CAMKMT: variants seen among roughly 807,000 people sequenced by gnomAD.
CAMKMT encodes CaM KMT.
Under a neutral mutation model 48.0 loss-of-function variants are expected in CAMKMT, and 53 were observed. The ratio of observed to expected loss-of-function variants is 1.10; its 90% CI spans 0.89 to 1.39. The LOEUF (loss-of-function observed/expected upper bound fraction) is 1.39, where lower values mean the gene tolerates loss of function less well. Ranked by LOEUF, CAMKMT falls within the 40% of genes most tolerant of loss-of-function variation. The pLI, the probability that CAMKMT is intolerant of heterozygous loss-of-function variation, is 0.00. For missense variants in CAMKMT, 428 were observed against 402.7 expected, an observed-to-expected ratio of 1.06 and a Z score of -0.54; for synonymous variants, 165 against 152.3, an observed-to-expected ratio of 1.08 and a Z score of -0.61.
intron 3 of CAMKMT, among the ~76,000 whole-genome samples, chr2:44,460,690 A>G (rs1324433826): frequency 6.6e-6 from 1 of 150,930 alleles, no homozygotes; most frequent in Non-Finnish European, 1.5e-5. Context: ...ACAAAGACAT[A>G]ATACAGTTTC....
chr2:44,446,454 C>G (rs1214199638), intron 3 of CAMKMT, among the ~76,000 whole-genome samples: 2 of 152,020 alleles, frequency 1.3e-5, no homozygotes, highest in Non-Finnish European at 2.9e-5. Context: ...TCAAGCAATT[C>G]TCATGCCTCA....
intron 3 of CAMKMT, among the ~76,000 whole-genome samples, chr2:44,595,888 A>G (rs1471196708): frequency 6.6e-6 from 1 of 152,054 alleles, no homozygotes; most frequent in African/African-American, 2.4e-5. Flanking sequence ...ACAAGAAGAG[A>G]AAACCAAACA....
chr2:44,732,931 A>T (rs142752390), intron 7 of CAMKMT, among the ~76,000 whole-genome samples: 2,357 of 152,256 alleles, frequency 0.015, 29 homozygotes, highest in South Asian at 0.03. Context: ...AATTTTAATA[A>T]AGTCTGATTT....
chr2:44,444,055 G>GTTA lies in CAMKMT; in HGVS notation c.376+53751_376+53753dup, dbSNP rs1301369509. On this transcript the variant is annotated intron_variant, in intron 3 of 10. Transcript: ENST00000378494. ...GAAGAGGTCTTTGAAGGAGATAAGTGTTACGGCCTGAAGGAAAAGTAAGAA... is the reference window on the plus strand; with the variant it reads ...GAAGAGGTCTTTGAAGGAGATAAGTGTTATTACGGCCTGAAGGAAAAGTAAGAA... 5.3e-5 allele frequency among the ~76,000 whole-genome samples: 8 copies of GTTA among 152,196 alleles called. No individual in the cohort carries two copies. The East Asian group carries it at 1.5e-3, about 29-fold the overall frequency.
intron 3 of CAMKMT, among the ~76,000 whole-genome samples, chr2:44,489,009 G>A (rs1669352880): frequency 6.6e-6 from 1 of 151,816 alleles, no homozygotes; most frequent in Non-Finnish European, 1.5e-5. Context: ...GGGACTGCAG[G>A]TATATACCAC....
rs1378996204 is a variant in CAMKMT, at chr2:44,369,271, A to G, written c.139-3445A>G. Among the ~76,000 whole-genome samples the G allele has an allele frequency of 2.0e-5, 3 of 152,296 alleles. No homozygotes were observed. The East Asian group carries it at 5.8e-4, about 29-fold the overall frequency. On this transcript the variant is annotated intron_variant, in intron 1 of 10. Coordinates refer to ENST00000378494, the MANE Select transcript of CAMKMT (RefSeq NM_024766.5). ...ACTACCTTTTCCGATCCTCCATTTAAAAAACTAACCTTCTAAAACTTCTAC... is the reference window on the plus strand; with the variant it reads ...ACTACCTTTTCCGATCCTCCATTTAGAAAACTAACCTTCTAAAACTTCTAC...
chr2:44,409,189 T>G (rs1199828413), intron 3 of CAMKMT, among the ~76,000 whole-genome samples: 1 of 82,140 alleles, frequency 1.2e-5, no homozygotes, highest in African/African-American at 3.4e-5. Context: ...ATATGTATAT[T>G]GCTACATAAA....
At chr2:44,771,978 C>T in intron 10 of CAMKMT, 58 bp from the exon 11 acceptor site, 1 of 1,129,002 alleles carries the variant, frequency 8.9e-7, no homozygotes, top group Non-Finnish European at 1.3e-6. Context: ...TTAATATTGA[C>T]TGGTAAAGAT....
intron 3 of CAMKMT, among the ~76,000 whole-genome samples, chr2:44,504,600 T>C (rs747589123): frequency 2.0e-5 from 3 of 152,176 alleles, no homozygotes; most frequent in Admixed American, 6.5e-5. Flanking sequence ...GTGGGGCCTT[T>C]TAGTTTTTCT....
chr2:44,653,189 C>G lies in CAMKMT; in HGVS notation c.377-51094C>G, dbSNP rs765799668. ...TTTATTATTTCTCACTTCACTAGCT[C>G]GTGAGCTCCTTTAAAGCAAGGGACA... is the stretch of plus-strand genomic sequence containing the variant. On this transcript the variant is annotated intron_variant, in intron 3 of 10. Coordinates refer to ENST00000378494, the MANE Select transcript of CAMKMT (RefSeq NM_024766.5). This position sits in a 1 kb window ranked among gnomAD's most constrained non-coding sequence, Gnocchi z 5.2. 6.6e-6 allele frequency among the ~76,000 whole-genome samples: 1 copy of G among 152,074 alleles called. No homozygotes were observed. Among genetic ancestry groups the G allele is most frequent in the African/African-American group, 2.4e-5 (1 of 41,408 alleles).
intron 6 of CAMKMT, among the ~76,000 whole-genome samples, chr2:44,708,210 G>GTTTTTTTT (rs1558809421): frequency 1.7e-4 from 3 of 17,686 alleles, no homozygotes; most frequent in East Asian, 2.2e-3. Context: ...GTTTGCTTTG[G>GTTTTTTTT]ATTTTTTTTT....
intron 3 of CAMKMT, among the ~76,000 whole-genome samples, chr2:44,595,159 C>T (rs1156534740): frequency 6.6e-6 from 1 of 151,998 alleles, no homozygotes; most frequent in Non-Finnish European, 1.5e-5. Context: ...ACAACAGATG[C>T]TGGAGAGGAT....
intron 3 of CAMKMT, among the ~76,000 whole-genome samples, chr2:44,404,848 G>A (rs1682669563): frequency 6.6e-6 from 1 of 151,978 alleles, no homozygotes. Context: ...GTGGAAGGAG[G>A]AAGTGAATAT....
At chr2:44,450,034 C>CT (rs1314357658) in intron 3 of CAMKMT, among the ~76,000 whole-genome samples, 1 of 152,058 alleles carries the variant, frequency 6.6e-6, no homozygotes, top group Non-Finnish European at 1.5e-5. Flanking sequence ...GATGGGTCAG[C>CT]TTTAGGGGTG....
At chr2:44,365,080 C>G (rs971382704) in intron 1 of CAMKMT, among the ~76,000 whole-genome samples, 2 of 152,178 alleles carry the variant, frequency 1.3e-5, no homozygotes, top group Admixed American at 1.3e-4. Flanking sequence ...AAATGTATTT[C>G]AAATGAATGA....
At chr2:44,664,230 G>A (rs647980) in intron 3 of CAMKMT, among the ~76,000 whole-genome samples, 126,009 of 152,192 alleles carry the variant, frequency 0.83, 52,670 homozygotes, top group Middle Eastern at 0.85. Context: ...AAAATATGTA[G>A]CCTCTCTAAG....
intron 3 of CAMKMT, among the ~76,000 whole-genome samples, chr2:44,624,049 C>T (rs996880452): frequency 3.9e-5 from 6 of 152,016 alleles, no homozygotes; most frequent in Non-Finnish European, 7.4e-5. Flanking sequence ...TCCATTCCAC[C>T]CAACTGTTGA....
intron 3 of CAMKMT, among the ~76,000 whole-genome samples, chr2:44,562,762 T>C (rs1436966321): frequency 6.6e-6 from 1 of 152,180 alleles, no homozygotes; most frequent in Non-Finnish European, 1.5e-5. Context: ...GGTTTCAACA[T>C]GTTGGCCAGG....
chr2:44,667,014 C>T (rs966512424), intron 3 of CAMKMT, among the ~76,000 whole-genome samples: 4 of 152,166 alleles, frequency 2.6e-5, no homozygotes, highest in African/African-American at 9.7e-5. Flanking sequence ...GCAGTCTGGT[C>T]ATATATTGAA....
Sources: allele counts gnomAD v4.1 joint callset (sites outside exome capture counted in the v4.1 genomes callset), GRCh38; gene constraint gnomAD v4.1.1; non-coding constraint Gnocchi (gnomAD v3.1); transcripts MANE v1.5; gene names NCBI Gene and HGNC (gene_info 2026-07-23, HGNC 2026-07-21).